The following RAB38 variants were observed in gnomAD, a reference collection of about 807,000 sequenced individuals.
RAB38 encodes the protein RAB38, member RAS oncogene family.
In RAB38, 15 loss-of-function variants were observed where a neutral mutation model predicts 18.4. That is an observed-to-expected ratio of 0.82 (90% CI 0.55 to 1.26). The LOEUF (loss-of-function observed/expected upper bound fraction) is 1.26. RAB38 is among the 50% of genes most tolerant of loss of function. RAB38 has a pLI of 0.00. For synonymous variants in RAB38, 101 were observed against 104.4 expected (o/e 0.97, Z 0.20); for missense variants, 294 against 267.4 (o/e 1.10, Z -0.69).
chr11:87,854,570 C>CAT, the RAB38 span, among the ~76,000 whole-genome samples: 1 of 152,008 alleles, frequency 6.6e-6, no homozygotes, highest in Non-Finnish European at 1.5e-5. Context: ...CAAGTAAAGA[C>CAT]ATGATAAATG....
At chr11:87,923,401 T>G in the RAB38 span, among the ~76,000 whole-genome samples, 1 of 152,114 alleles carries the variant, frequency 6.6e-6, no homozygotes, top group Non-Finnish European at 1.5e-5. Context: ...TCTTAGATTC[T>G]TAGTCTTAAA....
the RAB38 span, among the ~76,000 whole-genome samples, chr11:87,875,322 A>C: frequency 6.6e-6 from 1 of 151,498 alleles, no homozygotes; most frequent in Admixed American, 6.6e-5. Flanking sequence ...ATTAAAAATA[A>C]AATTAATTAT....
At chr11:88,015,173 T>C in the RAB38 span, among the ~76,000 whole-genome samples, 1 of 152,112 alleles carries the variant, frequency 6.6e-6, no homozygotes, top group Non-Finnish European at 1.5e-5. Flanking sequence ...CATGGGCTAG[T>C]ACTCATCTAT....
chr11:87,862,106 A>G, the RAB38 span, among the ~76,000 whole-genome samples: 1 of 151,894 alleles, frequency 6.6e-6, no homozygotes, highest in Non-Finnish European at 1.5e-5. Context: ...ACAGTGTGGC[A>G]ATTCCTCAAA....
At chr11:88,167,164 GA>G (rs1447091185) in intron 1 of RAB38, 2 of 152,100 alleles carry the variant, frequency 1.3e-5, no homozygotes, top group African/African-American at 4.8e-5. Flanking sequence ...TTGATAGAGT[GA>G]AAAGGACCCA....
the RAB38 span, among the ~76,000 whole-genome samples, chr11:88,033,929 G>A: frequency 2.0e-5 from 3 of 151,730 alleles, no homozygotes; most frequent in South Asian, 2.1e-4. Flanking sequence ...GAGTTTCAAC[G>A]TGTTAGCCAG....
At chr11:87,964,743 C>T in the RAB38 span, among the ~76,000 whole-genome samples, 1 of 152,096 alleles carries the variant, frequency 6.6e-6, no homozygotes, top group Non-Finnish European at 1.5e-5. Context: ...ATTGCTTCCA[C>T]ATTTTCCTGG....
chr11:87,820,850 T>A, the RAB38 span, among the ~76,000 whole-genome samples: 1 of 152,204 alleles, frequency 6.6e-6, no homozygotes, highest in South Asian at 2.1e-4. Context: ...TGGGAATAGT[T>A]TAAATAGCAC....
At chr11:87,836,265 G>T in the RAB38 span, among the ~76,000 whole-genome samples, 1 of 152,122 alleles carries the variant, frequency 6.6e-6, no homozygotes, top group Non-Finnish European at 1.5e-5. Flanking sequence ...TTTGGGTTTT[G>T]TAAAAACAAC....
At chr11:88,057,790 C>T in the RAB38 span, among the ~76,000 whole-genome samples, 4 of 152,072 alleles carry the variant, frequency 2.6e-5, no homozygotes, top group Admixed American at 6.6e-5. Context: ...TGTACCTGTG[C>T]AGCCCCAGCC....
At chr11:88,022,611 C>CCAA in the RAB38 span, among the ~76,000 whole-genome samples, 2 of 52,092 alleles carry the variant, frequency 3.8e-5, no homozygotes, top group African/African-American at 1.5e-4. Context: ...AAAGACCCCA[C>CCAA]AAAAAAAAAA....
the RAB38 span, among the ~76,000 whole-genome samples, chr11:88,021,170 A>G: frequency 2.6e-5 from 4 of 152,162 alleles, no homozygotes; most frequent in Non-Finnish European, 5.9e-5. Context: ...AAGTTGGTTT[A>G]TTGAAAAGAT....
rs181505147 is a variant in RAB38, at chr11:88,165,887, T to C, written c.202+9296A>G. 187 of 152,050 alleles carry C rather than the reference T, an allele frequency of 1.2e-3. 1 individual carries two copies. Among genetic ancestry groups the C allele is most frequent in the African/African-American group, 4.3e-3 (180 of 41,508 alleles). The allele number at this position is 152,050 out of a possible 1,614,324, so 9.4% of individuals were successfully genotyped here. Reference sequence around the variant, plus strand: ...AAATCATGAAGGAAATTTGGATAGATAGAAAATAACTGTAACACAAAGCTT... The same window carrying C: ...AAATCATGAAGGAAATTTGGATAGACAGAAAATAACTGTAACACAAAGCTT... On this transcript the variant is annotated intron_variant, in intron 1 of 2. Coordinates refer to ENST00000243662, the MANE Select transcript of RAB38 (RefSeq NM_022337.3).
chr11:88,149,010 A>T (rs1336300099), intron 2 of RAB38, among the ~76,000 whole-genome samples: 1 of 152,200 alleles, frequency 6.6e-6, no homozygotes, highest in Non-Finnish European at 1.5e-5. Flanking sequence ...CTGACATATC[A>T]GATGGCAACA....
chr11:87,929,163 G>A, the RAB38 span, among the ~76,000 whole-genome samples: 1 of 151,892 alleles, frequency 6.6e-6, no homozygotes, highest in South Asian at 2.1e-4. Context: ...ATTCATTCAA[G>A]TCTATCCTGT....
the RAB38 span, among the ~76,000 whole-genome samples, chr11:88,036,427 T>C: frequency 6.6e-6 from 1 of 152,190 alleles, no homozygotes; most frequent in African/African-American, 2.4e-5. Flanking sequence ...AAAATTCAAA[T>C]ACAATACCAT....
At chr11:88,076,890 C>T in the RAB38 span, among the ~76,000 whole-genome samples, 10 of 140,512 alleles carry the variant, frequency 7.1e-5, no homozygotes, top group East Asian at 2.1e-4. Flanking sequence ...ACCTGGAAAG[C>T]GGAGGTTGCA....
chr11:88,023,675 T>C, the RAB38 span, among the ~76,000 whole-genome samples: 1 of 152,142 alleles, frequency 6.6e-6, no homozygotes, highest in Non-Finnish European at 1.5e-5. Context: ...CAAAACAGCA[T>C]GGTCCTGGCT....
At chr11:87,931,511 G>T in the RAB38 span, among the ~76,000 whole-genome samples, 1 of 152,070 alleles carries the variant, frequency 6.6e-6, no homozygotes, top group Non-Finnish European at 1.5e-5. Flanking sequence ...GTAGGACTGA[G>T]AAATCACTTG....
Sources: allele counts gnomAD v4.1 joint callset (sites outside exome capture counted in the v4.1 genomes callset), GRCh38; gene constraint gnomAD v4.1.1; transcripts MANE v1.5; gene names NCBI Gene and HGNC (gene_info 2026-07-23, HGNC 2026-07-21).